The following MGMT variants were observed in gnomAD, a reference collection of about 807,000 sequenced individuals.
MGMT encodes O-6-methylguanine-DNA methyltransferase, also known as methylated-DNA--protein-cysteine methyltransferase.
A neutral mutation model predicts 15.9 loss-of-function variants in MGMT; 14 were observed. That is an observed-to-expected ratio of 0.88 (90% CI 0.58 to 1.37). The LOEUF is 1.37. Ranked by LOEUF, MGMT falls within the 40% of genes most tolerant of loss-of-function variation. The pLI is 0.00. For missense variants in MGMT, 282 were observed against 268.1 expected (o/e 1.05, Z -0.36); for synonymous variants, 130 against 118.2 (o/e 1.10, Z -0.65).
intron 2 of MGMT, among the ~76,000 whole-genome samples, chr10:129,706,734 C>T (rs1189209519): frequency 6.6e-6 from 1 of 152,202 alleles, no homozygotes; most frequent in Non-Finnish European, 1.5e-5. Flanking sequence ...ATGCACTCCA[C>T]AGCCCCAGGT....
intron 3 of MGMT, among the ~76,000 whole-genome samples, chr10:129,725,389 C>T (rs1263718822): frequency 2.0e-5 from 3 of 152,220 alleles, no homozygotes; most frequent in Non-Finnish European, 4.4e-5. Context: ...TGTCAGTAGC[C>T]GTGGATCAAA....
rs10644344 is a variant in MGMT at position 129,659,358 on chromosome 10, G to GAAAAA, written c.126-48537_126-48536insAAAAA. On this transcript the variant is annotated intron_variant, in intron 2 of 4. Transcript: ENST00000651593. The surrounding 1 kb of genome is among the most constrained non-coding windows in gnomAD (Gnocchi z 4.1). ...GGTGGCAGAGCGAGACTCCCTGTGTGGAAAAAAAAAAAAAAGATACTCAGA... is the reference window on the plus strand; with the variant it reads ...GGTGGCAGAGCGAGACTCCCTGTGTGAAAAAGAAAAAAAAAAAAAAGATACTCAGA... Among the ~76,000 whole-genome samples the GAAAAA allele has an allele frequency of 5.0e-4, 74 of 147,116 alleles. 1 individual carries two copies. The highest frequency in any genetic ancestry group is 1.3e-3 in the African/African-American group (51 of 37,886).
intron 2 of MGMT, among the ~76,000 whole-genome samples, chr10:129,660,499 G>T (rs1259587130): frequency 1.3e-5 from 2 of 152,116 alleles, no homozygotes; most frequent in East Asian, 1.9e-4. Context: ...ACTGCAGAGA[G>T]GCCTTGGGAC....
chr10:129,678,074 G>A (rs770545234), intron 2 of MGMT, among the ~76,000 whole-genome samples: 14 of 152,082 alleles, frequency 9.2e-5, no homozygotes, highest in Non-Finnish European at 1.5e-4. Flanking sequence ...GTCCAGAAAC[G>A]CTCCTCTCGG....
chr10:129,495,419 T>G (rs951160800), intron 1 of MGMT, among the ~76,000 whole-genome samples: 12 of 152,190 alleles, frequency 7.9e-5, no homozygotes, highest in African/African-American at 2.9e-4. Flanking sequence ...TCTAATGGAG[T>G]GCTTATTACA....
intron 2 of MGMT, among the ~76,000 whole-genome samples, chr10:129,554,606 C>A (rs1313597743): frequency 6.6e-6 from 1 of 152,162 alleles, no homozygotes; most frequent in African/African-American, 2.4e-5. Context: ...CCTGAGCAAG[C>A]TTGCTTTTTG....
chr10:129,585,468 T>G (rs867300686), intron 2 of MGMT, among the ~76,000 whole-genome samples: 17 of 152,214 alleles, frequency 1.1e-4, no homozygotes, highest in Non-Finnish European at 2.5e-4. Flanking sequence ...CCTGAGGGGT[T>G]GGCTCCAGGA....
At chr10:129,688,621 A>C (rs191847980) in intron 2 of MGMT, among the ~76,000 whole-genome samples, 36 of 152,002 alleles carry the variant, frequency 2.4e-4, no homozygotes, top group African/African-American at 8.7e-4. Context: ...GATTGCAAAA[A>C]TTTTCTCCCA....
chr10:129,689,568 T>A (rs1008220732), intron 2 of MGMT, among the ~76,000 whole-genome samples: 2 of 152,246 alleles, frequency 1.3e-5, no homozygotes, highest in East Asian at 3.8e-4. Flanking sequence ...GACAGTGGTG[T>A]GATGGAGCAG....
chr10:129,502,046 T>C (rs1193122341), intron 1 of MGMT, among the ~76,000 whole-genome samples: 1 of 152,230 alleles, frequency 6.6e-6, no homozygotes, highest in East Asian at 1.9e-4. Context: ...CAAGCTTGCA[T>C]GAATCAAGGC....
chr10:129,559,898 A>C (rs1211243121), intron 2 of MGMT, among the ~76,000 whole-genome samples: 2 of 152,248 alleles, frequency 1.3e-5, no homozygotes, highest in Non-Finnish European at 2.9e-5. Context: ...CTTATGCTGC[A>C]GAAATGGACA....
In MGMT at chr10:129,536,533, G is replaced by A. The variant is rs1845987128; in HGVS notation, c.125+156G>A. Reference sequence around the variant, plus strand: ...TCCGTCTCTCAAAACAGTGTGCTGCGACGGCTCCTGCATTTGCAGCTTCCC... The same window carrying A: ...TCCGTCTCTCAAAACAGTGTGCTGCAACGGCTCCTGCATTTGCAGCTTCCC... On this transcript the variant is annotated intron_variant, in intron 2 of 4. Transcript: ENST00000651593. The A allele has an allele frequency of 3.2e-5, 28 of 862,388 alleles. No homozygotes were observed. The South Asian group carries it at 4.0e-4, about 12-fold the overall frequency. 53.4% of individuals were successfully genotyped at this position (862,388 alleles called of 1,614,324 possible).
chr10:129,585,817 T>C (rs551218317), intron 2 of MGMT, among the ~76,000 whole-genome samples: 55 of 152,280 alleles, frequency 3.6e-4, no homozygotes, highest in Middle Eastern at 6.8e-3. Context: ...ATAATAAAGT[T>C]TACTTTGTAA....
intron 1 of MGMT, among the ~76,000 whole-genome samples, chr10:129,497,218 A>G (rs1845530780): frequency 6.6e-6 from 1 of 152,156 alleles, no homozygotes; most frequent in South Asian, 2.1e-4. Flanking sequence ...CTGCACCAGC[A>G]TGTTTCAGAG....
In MGMT at chr10:129,675,085, C is replaced by T. The variant is rs191632506; in HGVS notation, c.126-32810C>T. On this transcript the variant is annotated intron_variant, in intron 2 of 4. Transcript: ENST00000651593. Reference sequence around the variant, plus strand: ...CTCACGAGTGCCTGTGAAGAAGGACCCCACCTTGCACTTGGGGGACCCGAG... The same window carrying T: ...CTCACGAGTGCCTGTGAAGAAGGACTCCACCTTGCACTTGGGGGACCCGAG... Among the ~76,000 whole-genome samples, 21 of 152,248 alleles carry T rather than the reference C, an allele frequency of 1.4e-4. No homozygotes were observed. The East Asian group carries it at 4.1e-3, about 29-fold the overall frequency.
In MGMT at chr10:129,580,516, C is replaced by T. The variant is rs1016306009; in HGVS notation, c.125+44139C>T. ...GCGAGGAAGGCCTTCTAGGTCTAGA[C>T]GTTCCTAGGCTGGGGCTCAGTGATA... On this transcript the variant is annotated intron_variant, in intron 2 of 4. Transcript: ENST00000651593. Among the ~76,000 whole-genome samples the T allele has an allele frequency of 4.6e-5, 7 of 152,170 alleles. No individual in the cohort carries two copies. In the East Asian group the frequency reaches 7.7e-4, roughly 17 times the overall value.
chr10:129,626,351 C>A (rs1035008956), intron 2 of MGMT, among the ~76,000 whole-genome samples: 8 of 152,176 alleles, frequency 5.3e-5, no homozygotes, highest in Non-Finnish European at 1.0e-4. Flanking sequence ...TAAGCACTGG[C>A]AGAACACCAC....
intron 2 of MGMT, among the ~76,000 whole-genome samples, chr10:129,647,890 C>T (rs1847415099): frequency 6.6e-6 from 1 of 152,176 alleles, no homozygotes; most frequent in South Asian, 2.1e-4. Flanking sequence ...TTACATAAAG[C>T]CTGCGAGTCT....
At chr10:129,527,007 C>T (rs933064616) in intron 1 of MGMT, among the ~76,000 whole-genome samples, 1 of 152,240 alleles carries the variant, frequency 6.6e-6, no homozygotes, top group Non-Finnish European at 1.5e-5. Flanking sequence ...CAAGTACCAT[C>T]AGCCACTCAT....
Sources: allele counts gnomAD v4.1 joint callset (sites outside exome capture counted in the v4.1 genomes callset), GRCh38; gene constraint gnomAD v4.1.1; non-coding constraint Gnocchi (gnomAD v3.1); transcripts MANE v1.5; gene names NCBI Gene and HGNC (gene_info 2026-07-23, HGNC 2026-07-21).